The following CEP152 variants were observed in gnomAD, a reference collection of about 807,000 sequenced individuals.
CEP152 encodes the protein centrosomal protein of 152 kDa.
In CEP152, 132 loss-of-function variants were observed where a neutral mutation model predicts 188.9. That is an observed-to-expected ratio of 0.70 (90% CI 0.61 to 0.81). The LOEUF is 0.81. CEP152 is among the 30% of genes least tolerant of loss of function. CEP152 has a pLI of 0.00. For missense variants in CEP152, 1,914 were observed against 1,969.8 expected (o/e 0.97, Z 0.54); for synonymous variants, 649 against 666.6 (o/e 0.97, Z 0.41).
chr15:48,742,231 T>C, intron 24 of CEP152, 131 bp from the exon 25 acceptor site: 1 of 824,950 alleles, frequency 1.2e-6, no homozygotes. Flanking sequence ...CATTATACTT[T>C]CCACAGTCAT....
At chr15:48,743,021 C>T (rs1470875947) in intron 24 of CEP152, among the ~76,000 whole-genome samples, 1 of 152,092 alleles carries the variant, frequency 6.6e-6, no homozygotes, top group Non-Finnish European at 1.5e-5. Flanking sequence ...AACAAAACCT[C>T]CAACCAACTT....
chr15:48,735,555 T>C (rs1892566547), downstream of CEP152, among the ~76,000 whole-genome samples: 1 of 152,030 alleles, frequency 6.6e-6, no homozygotes, highest in Non-Finnish European at 1.5e-5. Context: ...GCCAATATGG[T>C]GAAACGATGT....
rs777423960 is a variant in CEP152, at chr15:48,738,592, C to T, written c.4790G>A (p.Gly1597Glu). The change falls in exon 27 of 27, where the codon GGA becomes GAA. Residue 1597 changes from glycine (G) to glutamate (E), a missense_variant. Coordinates refer to ENST00000380950, the MANE Select transcript of CEP152 (RefSeq NM_001194998.2). ...AGATTCACTTGGTATTTCCAAAGTT[C>T]CTTGTGGCCTACCATGTACAAATGA... Reference protein sequence around the residue: ...EASFVHGRPQGTLEIPSESVK... With the variant: ...EASFVHGRPQETLEIPSESVK... The T allele has an allele frequency of 7.4e-6, 12 of 1,614,166 alleles. No homozygotes were observed. Among genetic ancestry groups the T allele is most frequent in the Non-Finnish European group, 9.3e-6 (11 of 1,180,026 alleles).
In CEP152 at chr15:48,741,623, G is replaced by A. The variant is rs779561855; in HGVS notation, c.4071C>T (p.Ser1357=). The A allele has an allele frequency of 4.3e-6, 7 of 1,613,972 alleles. No individual in the cohort carries two copies. In the African/African-American group the frequency reaches 5.3e-5, roughly 12 times the overall value. The change falls in exon 26 of 27, where the codon TCC becomes TCT. Residue 1357 remains serine (S), a synonymous_variant. Coordinates refer to ENST00000380950, the MANE Select transcript of CEP152 (RefSeq NM_001194998.2). ...KLLETPISSK[S]QSKTTQSALP... ...TACCTGACTGTGTAGTTTTGCTTTG[G>A]GACTTACTAGAAATAGGTGTTTCCA...
rs1254725479 is a variant in CEP152, at chr15:48,767,072, C to G, written c.2268G>C (p.Gln756His). Residue 756 changes from glutamine to histidine, a missense_variant, in exon 17 of 27, where the codon CAG (glutamine) becomes CAC (histidine). Physicochemically the swap from Gln to His is conservative, Grantham distance 24. Coordinates refer to ENST00000380950, the MANE Select transcript of CEP152 (RefSeq NM_001194998.2). ...ACTTGTACTGTACCTTCTCCTGAGT[C>G]TGTTGCTCCTTTTCAGTGGTCTTCC... is the stretch of plus-strand genomic sequence containing the variant. ...TLRKTTEKEQ[Q>H]TQEKIKEKLI... 6.2e-7 allele frequency: 1 copy of G among 1,612,948 alleles called. No homozygotes were observed. Among genetic ancestry groups the G allele is most frequent in the Non-Finnish European group, 8.5e-7 (1 of 1,180,004 alleles).
chr15:48,734,493 A>G (rs1457839398), downstream of CEP152, among the ~76,000 whole-genome samples: 1 of 151,886 alleles, frequency 6.6e-6, no homozygotes, highest in Non-Finnish European at 1.5e-5. Context: ...AACGAAAGAT[A>G]CACAGTAACC....
chr15:48,748,962 G>A (rs1893678802), intron 21 of CEP152, among the ~76,000 whole-genome samples: 1 of 152,052 alleles, frequency 6.6e-6, no homozygotes, highest in Non-Finnish European at 1.5e-5. Flanking sequence ...CAGTACTGGG[G>A]AGGGTATATA....
At chr15:48,733,236 CTGTT>C (rs1220328842), downstream of CEP152, among the ~76,000 whole-genome samples, 2 of 152,068 alleles carry the variant, frequency 1.3e-5, no homozygotes, top group African/African-American at 4.8e-5. Flanking sequence ...GAAGGGGTGA[CTGTT>C]TGGGGTGATG....
intron 9 of CEP152, among the ~76,000 whole-genome samples, chr15:48,784,471 A>G (rs1000415461): frequency 2.0e-5 from 3 of 152,228 alleles, no homozygotes; most frequent in Admixed American, 2.0e-4. Context: ...TATTGTCAGT[A>G]TAAGTGTATG....
chr15:48,760,625 C>T (rs540511245), intron 18 of CEP152, among the ~76,000 whole-genome samples: 3 of 152,248 alleles, frequency 2.0e-5, no homozygotes, highest in South Asian at 2.1e-4. Context: ...GCTGTCTAAT[C>T]ACTACACCCA....
intron 26 of CEP152, chr15:48,741,006 T>C (rs1892930478): frequency 1.0e-6 from 1 of 980,736 alleles, no homozygotes; most frequent in South Asian, 4.7e-5. Context: ...GGAACAGTTT[T>C]GATATTGCTC....
chr15:48,796,428 C>A (rs527454358), intron 5 of CEP152, among the ~76,000 whole-genome samples: 3 of 151,976 alleles, frequency 2.0e-5, no homozygotes, highest in African/African-American at 7.2e-5. Flanking sequence ...TTTGAGCACA[C>A]AATGAAGGCA....
Position 48,738,088 on chromosome 15 carries a change from AC to A in CEP152, c.*160del. The A allele has an allele frequency of 1.3e-6, 1 of 785,336 alleles. No individual in the cohort carries two copies. The highest frequency in any genetic ancestry group is 2.0e-6 in the Non-Finnish European group (1 of 511,124). 48.6% of individuals were successfully genotyped at this position (785,336 alleles called of 1,614,324 possible). A position where few individuals can be genotyped will look rare whatever the true frequency, so the allele number is the denominator to read the frequency against. On this transcript the variant is annotated 3_prime_UTR_variant, in exon 27 of 27. Transcript: ENST00000380950. ...ATCAGGCCTTTGGAATATTAAGGCA[AC>A]ATAAATATCTCAAGCAATTTTAGAA...
intron 6 of CEP152, among the ~76,000 whole-genome samples, chr15:48,794,620 T>C (rs1299303940): frequency 6.6e-6 from 1 of 152,186 alleles, no homozygotes; most frequent in East Asian, 1.9e-4. Flanking sequence ...AATGTGTAAC[T>C]GACTCAACTT....
intron 21 of CEP152, among the ~76,000 whole-genome samples, chr15:48,751,838 T>C (rs899374886): frequency 2.6e-5 from 4 of 152,330 alleles, no homozygotes; most frequent in East Asian, 1.9e-4. Flanking sequence ...TTTGTCATGA[T>C]GAAGAGTCTA....
intron 2 of CEP152, 122 bp downstream of exon 2, chr15:48,805,441 T>G (rs917950363): frequency 8.0e-5 from 109 of 1,356,198 alleles, no homozygotes; most frequent in Non-Finnish European, 1.0e-4. Flanking sequence ...TAGGGTTGTT[T>G]TTTTTTTAAA....
intron 13 of CEP152, among the ~76,000 whole-genome samples, chr15:48,769,680 A>G (rs1895389584): frequency 6.6e-6 from 1 of 152,206 alleles, no homozygotes; most frequent in Non-Finnish European, 1.5e-5. Flanking sequence ...ATACTTTGAG[A>G]CAATACAAAT....
intron 12 of CEP152, among the ~76,000 whole-genome samples, chr15:48,777,121 C>G (rs896051261): frequency 6.6e-6 from 1 of 151,152 alleles, no homozygotes; most frequent in East Asian, 1.9e-4. Flanking sequence ...AAACATGACC[C>G]CTAAATGTAA....
rs1316191506 is a variant in CEP152, at chr15:48,738,213, A to G, written c.*36T>C. 6.4e-7 allele frequency: 1 copy of G among 1,560,820 alleles called. No homozygotes were observed. The highest frequency in any genetic ancestry group is 1.4e-5 in the African/African-American group (1 of 72,586). ...GAGGTCTTCCCTTCCATTTTTGTTA[A>G]TATATTAATGATTCTTCTTAAATAC... On this transcript the variant is annotated 3_prime_UTR_variant, in exon 27 of 27. Transcript: ENST00000380950.
Sources: allele counts gnomAD v4.1 joint callset (sites outside exome capture counted in the v4.1 genomes callset), GRCh38; gene constraint gnomAD v4.1.1; transcripts MANE v1.5; gene names NCBI Gene and HGNC (gene_info 2026-07-23, HGNC 2026-07-21).